The following ARHGEF10L variants were observed in gnomAD, a reference collection of about 807,000 sequenced individuals.
The protein encoded by ARHGEF10L is rho guanine nucleotide exchange factor 10-like protein.
ARHGEF10L carries 69 observed loss-of-function variants against 141.2 expected under a neutral mutation model. That is an observed-to-expected ratio of 0.49 (90% confidence interval 0.40 to 0.60). The LOEUF (loss-of-function observed/expected upper bound fraction) is 0.60, where lower values mean the gene tolerates loss of function less well. Among genes scored for constraint, ARHGEF10L ranks in the 20% least tolerant of loss-of-function variants. The pLI, the probability that ARHGEF10L is intolerant of heterozygous loss-of-function variation, is 0.00. For synonymous variants in ARHGEF10L, 711 were observed against 718.5 expected, an observed-to-expected ratio of 0.99 and a Z score of 0.17; for missense variants, 1,482 against 1,734.3, an observed-to-expected ratio of 0.85 and a Z score of 2.58.
At chr1:17,569,321 G>T (rs112436836) in intron 1 of ARHGEF10L, among the ~76,000 whole-genome samples, 133 of 152,306 alleles carry the variant, frequency 8.7e-4, no homozygotes, top group African/African-American at 2.9e-3. Context: ...TCACTGAGGG[G>T]TGTGGTTTGA....
chr1:17,517,862 A>G, the ARHGEF10L span, among the ~76,000 whole-genome samples: 3 of 152,100 alleles, frequency 2.0e-5, no homozygotes, highest in Admixed American at 6.5e-5. Context: ...GGGTTTCACC[A>G]TATTGGCCAG....
chr1:17,520,580 C>CA, the ARHGEF10L span, among the ~76,000 whole-genome samples: 1 of 151,848 alleles, frequency 6.6e-6, no homozygotes, highest in African/African-American at 2.4e-5. Context: ...GGCCCTGGGG[C>CA]ACCCTACTCC....
At chr1:17,570,542 G>A (rs1473928147) in intron 1 of ARHGEF10L, among the ~76,000 whole-genome samples, 1 of 151,920 alleles carries the variant, frequency 6.6e-6, no homozygotes, top group South Asian at 2.1e-4. Flanking sequence ...AAGTCGGGGG[G>A]GTTGTGGGGG....
At chr1:17,538,493 A>T (rs2076613860), upstream of ARHGEF10L, among the ~76,000 whole-genome samples, 1 of 152,270 alleles carries the variant, frequency 6.6e-6, no homozygotes, top group South Asian at 2.1e-4. Context: ...GTCGAGAGGG[A>T]CAATAAACAA....
chr1:17,582,185 C>A (rs1486223391), intron 2 of ARHGEF10L, among the ~76,000 whole-genome samples: 1 of 152,136 alleles, frequency 6.6e-6, no homozygotes, highest in Non-Finnish European at 1.5e-5. Context: ...TCTCACCTCC[C>A]AATTCATGAC....
intron 2 of ARHGEF10L, among the ~76,000 whole-genome samples, chr1:17,586,898 C>G (rs2079067196): frequency 6.6e-6 from 1 of 152,128 alleles, no homozygotes. Context: ...AAGCTGACCT[C>G]CATGCTGAGA....
intron 15 of ARHGEF10L, among the ~76,000 whole-genome samples, chr1:17,630,336 G>T (rs1487845309): frequency 1.3e-5 from 2 of 152,236 alleles, no homozygotes; most frequent in African/African-American, 4.8e-5. Context: ...CTGCCAAGGG[G>T]GCAGCGCTGA....
intron 27 of ARHGEF10L, chr1:17,694,649 G>C (rs557659668): frequency 4.6e-4 from 148 of 322,962 alleles, no homozygotes; most frequent in African/African-American, 3.1e-3. Flanking sequence ...GCACCCACAC[G>C]GGCAGGCCCT....
At position 17,619,295 on chromosome 1, in the gene ARHGEF10L, C is replaced by T; in HGVS notation, c.836-44C>T. ...GCTCCTGAGGCCTGAGCAGGGTGTGCTGTCCCTGCCTTAGCTGTGTCATCG... is the reference window on the plus strand; with the variant it reads ...GCTCCTGAGGCCTGAGCAGGGTGTGTTGTCCCTGCCTTAGCTGTGTCATCG... On this transcript the variant is annotated intron_variant, in intron 9 of 28. Transcript: ENST00000361221. The surrounding 1 kb of genome is among the most constrained non-coding windows in gnomAD (Gnocchi z 5.0). 1 of 1,571,324 alleles carries T rather than the reference C, an allele frequency of 6.4e-7. No individual in the cohort carries two copies. Among genetic ancestry groups the T allele is most frequent in the African/African-American group, 1.3e-5 (1 of 74,188 alleles).
intron 1 of ARHGEF10L, among the ~76,000 whole-genome samples, chr1:17,563,806 A>G (rs2077639013): frequency 1.3e-5 from 2 of 152,090 alleles, no homozygotes; most frequent in East Asian, 1.9e-4. Flanking sequence ...AGACCCACCC[A>G]TCTATTAGGA....
Position 17,673,348 on chromosome 1 carries a change from G to T in ARHGEF10L, c.3009+8753G>T, listed in dbSNP as rs188737265. Among the ~76,000 whole-genome samples, 16 of 152,220 alleles carry T rather than the reference G, an allele frequency of 1.1e-4. No individual in the cohort carries two copies. Among genetic ancestry groups the T allele is most frequent in the Admixed American group, 9.2e-4 (14 of 15,300 alleles). On this transcript the variant is annotated intron_variant, in intron 26 of 28. Transcript: ENST00000361221. This position sits in a 1 kb window ranked among gnomAD's most constrained non-coding sequence, Gnocchi z 4.1. The stretch of plus-strand genomic sequence containing the variant: ...CCTCTGAGCCCGGCAGCAGGGAGAG[G>T]GGGAGGGCAGATGCCCAAGGGGCAG...
At chr1:17,612,039 C>A (rs1202720001) in intron 7 of ARHGEF10L, among the ~76,000 whole-genome samples, 1 of 152,126 alleles carries the variant, frequency 6.6e-6, no homozygotes, top group Non-Finnish European at 1.5e-5. Flanking sequence ...AGCATCCATT[C>A]TTCCATCCAG....
At chr1:17,610,906 G>T (rs1190241556) in intron 7 of ARHGEF10L, among the ~76,000 whole-genome samples, 1 of 152,096 alleles carries the variant, frequency 6.6e-6, no homozygotes, top group African/African-American at 2.4e-5. Context: ...GCCTCATCCT[G>T]TTATGTGAAC....
intron 4 of ARHGEF10L, among the ~76,000 whole-genome samples, chr1:17,598,484 A>T (rs1029979080): frequency 6.6e-6 from 1 of 152,180 alleles, no homozygotes; most frequent in Non-Finnish European, 1.5e-5. Flanking sequence ...ATGAGGGCTC[A>T]TTTCCTGATC....
At chr1:17,572,430 C>T (rs2078041794) in intron 1 of ARHGEF10L, among the ~76,000 whole-genome samples, 1 of 152,150 alleles carries the variant, frequency 6.6e-6, no homozygotes, top group African/African-American at 2.4e-5. Flanking sequence ...AGGTGAGTTC[C>T]TGCCCAGGGC....
At chr1:17,550,615 T>TTA (rs2077076311) in intron 1 of ARHGEF10L, among the ~76,000 whole-genome samples, 1 of 144,656 alleles carries the variant, frequency 6.9e-6, no homozygotes, top group African/African-American at 2.6e-5. Context: ...TGCAGTATAG[T>TTA]GTGGGCAACG....
the ARHGEF10L span, among the ~76,000 whole-genome samples, chr1:17,515,866 T>C: frequency 3.9e-5 from 6 of 152,332 alleles, no homozygotes; most frequent in African/African-American, 1.4e-4. Flanking sequence ...GGTCTTGAAC[T>C]CCTGGACTCA....
chr1:17,587,350 C>T lies in ARHGEF10L; in HGVS notation c.38-110C>T. The T allele has an allele frequency of 6.3e-6, 7 of 1,116,344 alleles. No homozygotes were observed. In the South Asian group the frequency reaches 6.4e-5, roughly 10 times the overall value. The allele number at this position is 1,116,344 out of a possible 1,614,324, so 69.2% of individuals were successfully genotyped here. A position where few individuals can be genotyped will look rare whatever the true frequency, so the allele number is the denominator to read the frequency against. ...GTTTGATGGCTCTCATTCCCTGGCT[C>T]AGACCTGAGGTGCTCACCCAGTTCC... On this transcript the variant is annotated intron_variant, in intron 2 of 28. Transcript: ENST00000361221.
At chr1:17,690,020 A>C in intron 27 of ARHGEF10L, 6 of 357,254 alleles carry the variant, frequency 1.7e-5, no homozygotes, top group Non-Finnish European at 3.3e-5. Flanking sequence ...CGTTGTTATG[A>C]TGATGATTTG....
Sources: allele counts gnomAD v4.1 joint callset (sites outside exome capture counted in the v4.1 genomes callset), GRCh38; gene constraint gnomAD v4.1.1; non-coding constraint Gnocchi (gnomAD v3.1); transcripts MANE v1.5; gene names NCBI Gene and HGNC (gene_info 2026-07-23, HGNC 2026-07-21).